The following PDXDC1 variants were observed in gnomAD, a reference collection of about 807,000 sequenced individuals.
PDXDC1 encodes pyridoxal-dependent decarboxylase domain-containing protein 1.
PDXDC1 carries 42 observed loss-of-function variants against 100.1 expected under a neutral mutation model. That is an observed-to-expected ratio of 0.42 (90% CI 0.33 to 0.54). The LOEUF (loss-of-function observed/expected upper bound fraction) is 0.54. Among genes scored for constraint, PDXDC1 ranks in the 20% least tolerant of loss-of-function variants. The pLI is 0.10. For missense variants in PDXDC1, 636 were observed against 979.2 expected, an observed-to-expected ratio of 0.65 and a Z score of 4.68; for synonymous variants, 260 against 371.7, an observed-to-expected ratio of 0.70 and a Z score of 3.46.
At chr16:15,035,242 CTGCTGGCGGA>C (rs1221894887) in intron 21 of PDXDC1, among the ~76,000 whole-genome samples, 197 bp from the exon 22 acceptor site, 5 of 152,228 alleles carry the variant, frequency 3.3e-5, no homozygotes, top group Non-Finnish European at 5.9e-5. Flanking sequence ...TTACGCCATA[CTGCTGGCGGA>C]TGCTGGCGGT....
chr16:14,984,485 ATATATATATATT>A (rs2151193852), intron 1 of PDXDC1, among the ~76,000 whole-genome samples: 1 of 85,884 alleles, frequency 1.2e-5, no homozygotes, highest in East Asian at 1.0e-3. Flanking sequence ...ACATATATAT[ATATATATATATT>A]TTTTTTTTTT....
intron 16 of PDXDC1, chr16:15,125,678 G>A (rs745444043): frequency 2.2e-6 from 3 of 1,367,534 alleles, no homozygotes; most frequent in African/African-American, 1.4e-5. Flanking sequence ...AGGACCCCCA[G>A]TAGAGCCCTC....
intron 6 of PDXDC1, among the ~76,000 whole-genome samples, chr16:15,007,076 T>C (rs1395288847): frequency 1.3e-5 from 2 of 152,048 alleles, no homozygotes; most frequent in Non-Finnish European, 2.9e-5. Context: ...TGCATAAAGC[T>C]CTTCCTGTAT....
chr16:15,121,820 A>T (rs1243383519), intron 16 of PDXDC1: 1 of 200,256 alleles, frequency 5.0e-6, no homozygotes, highest in Non-Finnish European at 9.8e-6. Flanking sequence ...TGGTGTATGT[A>T]CTTTCCAAAG....
intron 5 of PDXDC1, among the ~76,000 whole-genome samples, chr16:15,005,479 A>G (rs1974069483): frequency 6.6e-6 from 1 of 152,246 alleles, no homozygotes; most frequent in Non-Finnish European, 1.5e-5. Flanking sequence ...TTTTATGGAG[A>G]AGGAATGTTT....
rs1487986407 is a variant in PDXDC1, at chr16:15,037,495, G to A, written c.*1220G>A. On this transcript the variant is annotated 3_prime_UTR_variant, in exon 23 of 23. Transcript: ENST00000396410. ...AATGCAGGGGGTTTTTTTTGGTGCA[G>A]ATGATTAAACAGTCTTCCCTATTTG... 1 of 152,338 alleles carries A rather than the reference G, an allele frequency of 6.6e-6. No homozygotes were observed. The highest frequency in any genetic ancestry group is 2.4e-5 in the African/African-American group (1 of 41,392). 9.4% of individuals were successfully genotyped at this position (152,338 alleles called of 1,614,324 possible).
intron 16 of PDXDC1, chr16:15,127,296 C>T (rs1044929281): frequency 6.5e-6 from 4 of 617,912 alleles, no homozygotes; most frequent in Non-Finnish European, 9.0e-6. Context: ...TGAGTCTTCT[C>T]TCTTTCTCCC....
At chr16:15,029,650 G>A (rs1475030709) in intron 15 of PDXDC1, 17 of 509,396 alleles carry the variant, frequency 3.3e-5, no homozygotes, top group African/African-American at 2.3e-4. Flanking sequence ...GAGAAAAGAC[G>A]CTGGGGGCAG....
At chr16:15,143,405 G>A (rs1226265710), downstream of PDXDC1, among the ~76,000 whole-genome samples, 4 of 152,218 alleles carry the variant, frequency 2.6e-5, no homozygotes, top group Non-Finnish European at 4.4e-5. Flanking sequence ...TGGGCAGCAG[G>A]GCCAGCCTGC....
At chr16:15,131,994 GAT>G (rs201984661) in intron 16 of PDXDC1, among the ~76,000 whole-genome samples, 1,557 of 4,764 alleles carry the variant, frequency 0.33, 231 homozygotes, top group South Asian at 0.48. Context: ...GGAGCAGGGG[GAT>G]AAGGGAGGGG....
rs1386703513 is a variant in PDXDC1 at position 15,037,467 on chromosome 16, CAA to C, written c.*1195_*1196del. The C allele has an allele frequency of 6.6e-6, 1 of 152,294 alleles. No homozygotes were observed. Among genetic ancestry groups the C allele is most frequent in the Non-Finnish European group, 1.5e-5 (1 of 68,244 alleles). The allele number at this position is 152,294 out of a possible 1,614,324, so 9.4% of individuals were successfully genotyped here. A position where few individuals can be genotyped will look rare whatever the true frequency, so the allele number is the denominator to read the frequency against. On this transcript the variant is annotated 3_prime_UTR_variant, in exon 23 of 23. Transcript: ENST00000396410. ...TGGGATTTTTGACATTTACACTTGT[CAA>C]AATGCAGGGGGTTTTTTTTGGTGCA...
chr16:15,022,425 C>G (rs1304614959), intron 12 of PDXDC1, among the ~76,000 whole-genome samples: 2 of 152,300 alleles, frequency 1.3e-5, no homozygotes, highest in Non-Finnish European at 2.9e-5. Context: ...CGTGTTTATA[C>G]TCAGTAGCTT....
rs572135077 is a variant in PDXDC1 at position 15,063,347 on chromosome 16, G to A, written c.1399+33291G>A. 18 of 1,219,430 alleles carry A rather than the reference G, an allele frequency of 1.5e-5. No individual in the cohort carries two copies. The African/African-American group carries it at 2.5e-4, about 17-fold the overall frequency. 75.5% of individuals were successfully genotyped at this position (1,219,430 alleles called of 1,614,324 possible). On this transcript the variant is annotated intron_variant, in intron 16 of 16. Coordinates refer to the PDXDC1 transcript ENST00000535621. Reference sequence around the variant, plus strand: ...CTTCGGCAGAAGTCAAAATTGGTTTGGATCTTTTCTCACAAGATCTATTAC... The same window carrying A: ...CTTCGGCAGAAGTCAAAATTGGTTTAGATCTTTTCTCACAAGATCTATTAC...
At chr16:15,014,828 A>G (rs1258281228) in intron 8 of PDXDC1, among the ~76,000 whole-genome samples, 1 of 152,284 alleles carries the variant, frequency 6.6e-6, no homozygotes, top group African/African-American at 2.4e-5. Context: ...TAGTGCAATC[A>G]ATTACCAAGG....
intron 16 of PDXDC1, chr16:15,094,652 G>C (rs573291297): frequency 3.9e-6 from 1 of 255,816 alleles, no homozygotes; most frequent in African/African-American, 2.3e-5. Context: ...ATTCGAACCC[G>C]GCTGACCCAG....
intron 16 of PDXDC1, among the ~76,000 whole-genome samples, chr16:15,052,036 G>A (rs1157833119): frequency 4.0e-5 from 6 of 151,158 alleles, no homozygotes; most frequent in Non-Finnish European, 7.4e-5. Context: ...TTTTCCCTCA[G>A]TCCCTCATCC....
intron 21 of PDXDC1, 128 bp downstream of exon 21, chr16:15,034,681 G>A (rs533284162): frequency 6.0e-5 from 43 of 715,004 alleles, no homozygotes; most frequent in African/African-American, 3.5e-5. Flanking sequence ...GGTGTGGGCC[G>A]GACATCTGAG....
chr16:15,005,176 G>A (rs142705224), intron 5 of PDXDC1, among the ~76,000 whole-genome samples: 1,107 of 151,932 alleles, frequency 7.3e-3, no homozygotes, highest in African/African-American at 0.025. Flanking sequence ...GGCTAACATG[G>A]TGAAACCCTG....
At chr16:15,056,504 G>C (rs1462821966) in intron 16 of PDXDC1, among the ~76,000 whole-genome samples, 1 of 152,226 alleles carries the variant, frequency 6.6e-6, no homozygotes, top group Non-Finnish European at 1.5e-5. Context: ...AGGCGGGCAC[G>C]GTGGCTCACG....
Sources: gnomAD v4.1 joint callset for allele counts (sites outside exome capture counted in the v4.1 genomes callset) on GRCh38, gnomAD v4.1.1 for gene constraint, MANE v1.5 for transcripts, NCBI Gene and HGNC (gene_info 2026-07-23, HGNC 2026-07-21) for gene names.